The following PRRX1 variants were observed in gnomAD, a reference collection of about 807,000 sequenced individuals.
The protein encoded by PRRX1 is paired mesoderm homeobox protein 1.
In PRRX1, 8 loss-of-function variants were observed where a neutral mutation model predicts 24.0. The ratio of observed to expected loss-of-function variants is 0.33; its 90% confidence interval spans 0.20 to 0.60. The LOEUF is 0.60. PRRX1 is among the 20% of genes least tolerant of loss of function. The probability of loss-of-function intolerance (pLI) is 0.82; values close to 1 mark genes in which losing one functional copy is unlikely to be tolerated. For synonymous variants in PRRX1, 160 were observed against 131.7 expected, an observed-to-expected ratio of 1.22 and a Z score of -1.47; for missense variants, 281 against 322.4, an observed-to-expected ratio of 0.87 and a Z score of 0.98.
intron 2 of PRRX1, among the ~76,000 whole-genome samples, chr1:170,724,239 G>A (rs902526283): frequency 6.6e-6 from 1 of 152,132 alleles, no homozygotes; most frequent in Non-Finnish European, 1.5e-5. Context: ...TCTGTGGGTT[G>A]CCTGTTCACT....
In PRRX1 at chr1:170,736,033, C is replaced by G; in HGVS notation, c.600-15C>G. 1 of 1,613,872 alleles carries G rather than the reference C, an allele frequency of 6.2e-7. No individual in the cohort carries two copies. Among genetic ancestry groups the G allele is most frequent in the Non-Finnish European group, 8.5e-7 (1 of 1,179,776 alleles). ...ATGCCTGTTATTCTCCCTGCTCTCTCCTTTGTCCCTACAGCGCCATGGCTA... is the reference window on the plus strand; with the variant it reads ...ATGCCTGTTATTCTCCCTGCTCTCTGCTTTGTCCCTACAGCGCCATGGCTA... On this transcript the variant is annotated splice_polypyrimidine_tract_variant and intron_variant, in intron 3 of 3. Coordinates refer to ENST00000239461, the MANE Select transcript of PRRX1 (RefSeq NM_022716.4).
rs535589361 is a variant in PRRX1, at chr1:170,689,269, T to C, written c.241+24810T>C. 4.9e-4 allele frequency among the ~76,000 whole-genome samples: 74 copies of C among 152,280 alleles called. 2 individuals are homozygous for C. In the Middle Eastern group the frequency reaches 0.01, roughly 21 times the overall value. On this transcript the variant is annotated intron_variant, in intron 1 of 3. Transcript: ENST00000239461. ...GATTGATAATAATTTAGTGAGACTCTTTCTGTGGAGCTGTGTACTGTTCTT... is the reference window on the plus strand; with the variant it reads ...GATTGATAATAATTTAGTGAGACTCCTTCTGTGGAGCTGTGTACTGTTCTT...
chr1:170,694,914 A>G (rs925353353), intron 1 of PRRX1, among the ~76,000 whole-genome samples: 1 of 152,172 alleles, frequency 6.6e-6, no homozygotes, highest in Non-Finnish European at 1.5e-5. Context: ...GGCTAAAGGC[A>G]TCAATGCTTC....
chr1:170,677,050 T>C (rs1653346974), intron 1 of PRRX1, among the ~76,000 whole-genome samples: 1 of 152,166 alleles, frequency 6.6e-6, no homozygotes, highest in African/African-American at 2.4e-5. Context: ...CTAAATTAAG[T>C]TGTCAAGTAA....
intron 1 of PRRX1, among the ~76,000 whole-genome samples, chr1:170,683,375 T>G (rs1653620738): frequency 6.6e-6 from 1 of 152,172 alleles, no homozygotes; most frequent in Non-Finnish European, 1.5e-5. Context: ...GTTTAGCAAA[T>G]GAAAGAGGAA....
chr1:170,683,332 A>G (rs1447282858), intron 1 of PRRX1, among the ~76,000 whole-genome samples: 1 of 152,218 alleles, frequency 6.6e-6, no homozygotes, highest in Non-Finnish European at 1.5e-5. Context: ...TGTGACTCCT[A>G]CAGGGGCTCA....
intron 1 of PRRX1, among the ~76,000 whole-genome samples, chr1:170,664,762 C>T (rs1187814130): frequency 1.3e-5 from 2 of 152,248 alleles, no homozygotes; most frequent in African/African-American, 4.8e-5. Context: ...GGCTAGGCAC[C>T]GGCTCGGTTC....
At chr1:170,714,740 G>A (rs529486538) in intron 1 of PRRX1, among the ~76,000 whole-genome samples, 92 of 152,218 alleles carry the variant, frequency 6.0e-4, no homozygotes, top group Non-Finnish European at 7.8e-4. Flanking sequence ...CCATGCTTGA[G>A]GATGGCACTT....
chr1:170,716,487 G>A (rs1443090575), intron 1 of PRRX1, among the ~76,000 whole-genome samples: 1 of 152,046 alleles, frequency 6.6e-6, no homozygotes, highest in African/African-American at 2.4e-5. Flanking sequence ...GGGAGGCTGA[G>A]GCAGGAGAAT....
chr1:170,719,580 A>G (rs1655015781), intron 1 of PRRX1, 146 bp from the exon 2 acceptor site: 2 of 868,110 alleles, frequency 2.3e-6, no homozygotes, highest in African/African-American at 1.7e-5. Context: ...CCACATTTGC[A>G]CATGCAAAGT....
At chr1:170,665,730 C>T (rs1652900869) in intron 1 of PRRX1, among the ~76,000 whole-genome samples, 1 of 152,266 alleles carries the variant, frequency 6.6e-6, no homozygotes, top group Admixed American at 6.5e-5. Flanking sequence ...CTACAGCAAG[C>T]CGCAGAGAGA....
chr1:170,712,859 C>T (rs1229018570), intron 1 of PRRX1, among the ~76,000 whole-genome samples: 4 of 152,166 alleles, frequency 2.6e-5, no homozygotes, highest in East Asian at 1.9e-4. Flanking sequence ...ATGCTTCCAT[C>T]CCAATTATAG....
intron 1 of PRRX1, among the ~76,000 whole-genome samples, 163 bp from the exon 2 acceptor site, chr1:170,719,563 C>CAT (rs1040258718): frequency 2.6e-5 from 4 of 152,202 alleles, no homozygotes; most frequent in Admixed American, 1.3e-4. Flanking sequence ...CTTGAGAGCG[C>CAT]TAATGGCCAC....
chr1:170,719,989 C>A, intron 2 of PRRX1, 88 bp downstream of exon 2: 1 of 1,514,456 alleles, frequency 6.6e-7, no homozygotes, highest in Non-Finnish European at 9.1e-7. Context: ...AAATTATAGC[C>A]CAGCACAGTG....
At chr1:170,718,587 T>G (rs1462581708) in intron 1 of PRRX1, among the ~76,000 whole-genome samples, 1 of 152,208 alleles carries the variant, frequency 6.6e-6, no homozygotes, top group Non-Finnish European at 1.5e-5. Context: ...CTCCAACACT[T>G]CATAATTTTC....
upstream of PRRX1, chr1:170,664,100 T>TCTCTCTCTCTCTCTCTCTCTCTCA: frequency 9.6e-7 from 1 of 1,041,114 alleles, no homozygotes; most frequent in Non-Finnish European, 1.4e-6. Context: ...TCTCTCTCTC[T>TCTCTCTCTCTCTCTCTCTCTCTCA]CTCTCTCCAC....
At chr1:170,703,022 G>A (rs1654441794) in intron 1 of PRRX1, among the ~76,000 whole-genome samples, 1 of 152,134 alleles carries the variant, frequency 6.6e-6, no homozygotes, top group Non-Finnish European at 1.5e-5. Flanking sequence ...CAAATCAAAT[G>A]CTCAGAGGCA....
rs1457922749 is a variant in PRRX1 at position 170,736,934 on chromosome 1, G to GCAAT, written c.*763_*766dup. On this transcript the variant is annotated 3_prime_UTR_variant, in exon 4 of 4. Coordinates refer to ENST00000239461, the MANE Select transcript of PRRX1 (RefSeq NM_022716.4). ...CTATCACCACCACCCCTCACCCTAT[G>GCAAT]CAATCAATCAATCAATCATCTTAAG... The GCAAT allele has an allele frequency of 5.0e-6, 1 of 198,928 alleles. No homozygotes were observed. The highest frequency in any genetic ancestry group is 2.3e-5 in the African/African-American group (1 of 43,216). 12.3% of individuals were successfully genotyped at this position (198,928 alleles called of 1,614,324 possible).
At chr1:170,678,010 C>T (rs1653380632) in intron 1 of PRRX1, among the ~76,000 whole-genome samples, 2 of 152,114 alleles carry the variant, frequency 1.3e-5, no homozygotes, top group Non-Finnish European at 2.9e-5. Context: ...TCTCTCTGTC[C>T]TATAGTGCCT....
Sources: gnomAD v4.1 joint callset for allele counts (sites outside exome capture counted in the v4.1 genomes callset) on GRCh38, gnomAD v4.1.1 for gene constraint, MANE v1.5 for transcripts, NCBI Gene and HGNC (gene_info 2026-07-23, HGNC 2026-07-21) for gene names.